DNAH3: variants seen among roughly 807,000 people sequenced by gnomAD.
DNAH3 encodes the protein axonemal beta dynein heavy chain 3.
A neutral mutation model predicts 432.5 loss-of-function variants in DNAH3; 332 were observed. The observed-to-expected ratio is 0.77, with a 90% CI of 0.70 to 0.84. DNAH3 has a LOEUF of 0.84. DNAH3 is among the 40% of genes least tolerant of loss of function. The probability of loss-of-function intolerance (pLI) is 0.00; values close to 1 mark genes in which losing one functional copy is unlikely to be tolerated. For missense variants in DNAH3, 4,861 were observed against 5,114.0 expected (o/e 0.95, Z 1.51); for synonymous variants, 1,956 against 1,900.2 (o/e 1.03, Z -0.76).
chr16:21,009,929 AG>A (rs1370860525), intron 41 of DNAH3, among the ~76,000 whole-genome samples: 5 of 60,518 alleles, frequency 8.3e-5, no homozygotes, highest in Non-Finnish European at 1.6e-4. Context: ...AGGGGAGGGG[AG>A]GGGAGGGGAG....
chr16:21,029,686 C>G (rs768514458), intron 37 of DNAH3, among the ~76,000 whole-genome samples: 1 of 152,212 alleles, frequency 6.6e-6, no homozygotes, highest in Non-Finnish European at 1.5e-5. Flanking sequence ...TATCACTCTA[C>G]TCTACTTATT....
intron 37 of DNAH3, among the ~76,000 whole-genome samples, chr16:21,028,827 C>G (rs1395113626): frequency 2.0e-5 from 3 of 152,148 alleles, no homozygotes; most frequent in African/African-American, 4.8e-5. Flanking sequence ...TAAGAAAGGC[C>G]TGAGGCCCTT....
In DNAH3 at chr16:21,111,981, G is replaced by A. The variant is rs1172789193; in HGVS notation, c.1920+12C>T. The A allele has an allele frequency of 3.7e-6, 6 of 1,607,152 alleles. No homozygotes were observed. The highest frequency in any genetic ancestry group is 1.3e-5 in the African/African-American group (1 of 74,736). ...GTCACCAAGGTATAAAATCTCAAGT[G>A]GCATTTCCTACCGTCACAAAATCAT... On this transcript the variant is annotated intron_variant, in intron 13 of 61. Coordinates refer to ENST00000261383, the Ensembl canonical transcript of DNAH3.
chr16:21,159,317 C>T, intron 1 of DNAH3: 1 of 1,612,336 alleles, frequency 6.2e-7, no homozygotes, highest in Admixed American at 1.7e-5. Context: ...CGCGGACCCC[C>T]TCTCCACCTG....
At chr16:21,068,091 C>T (rs2090636978) in intron 23 of DNAH3, among the ~76,000 whole-genome samples, 1 of 152,170 alleles carries the variant, frequency 6.6e-6, no homozygotes, top group African/African-American at 2.4e-5. Flanking sequence ...AGACAAATTG[C>T]TTTGCAGCAA....
chr16:21,031,093 A>AG lies in DNAH3; in HGVS notation c.5390_5391insC (p.Ala1798CysfsTer5). ...TGTTCATATTTTCAATCCAAATAGC[A>AG]TCCACTGGCCCATCAAATATAATCC... is the stretch of plus-strand genomic sequence containing the variant. On this transcript the variant is annotated frameshift_variant, in exon 37 of 62. Transcript: ENST00000261383. LOFTEE classifies it high-confidence loss of function. The AG allele has an allele frequency of 6.2e-7, 1 of 1,614,182 alleles. No homozygotes were observed. The highest frequency in any genetic ancestry group is 8.5e-7 in the Non-Finnish European group (1 of 1,180,014).
At chr16:20,948,500 G>A (rs780635997) in exon 57 of DNAH3, 7 of 1,613,746 alleles carry the variant, frequency 4.3e-6, no homozygotes, top group Non-Finnish European at 4.2e-6. Context: ...GAGCCATGAG[G>A]AGGGATGTAG....
chr16:21,141,234 G>T, intron 4 of DNAH3, 66 bp downstream of exon 5: 2 of 1,114,950 alleles, frequency 1.8e-6, no homozygotes, highest in Non-Finnish European at 1.3e-6. Context: ...TGTGGCTTTA[G>T]TGAGACCACA....
rs1181125512 is a variant in DNAH3 at position 21,045,351 on chromosome 16, C to A, written c.4462-3148G>T. 3.3e-4 allele frequency among the ~76,000 whole-genome samples: 49 copies of A among 150,760 alleles called. No individual in the cohort carries two copies. The South Asian group carries it at 7.6e-3, about 23-fold the overall frequency. On this transcript the variant is annotated intron_variant, in intron 31 of 61. Transcript: ENST00000261383. ...CTATTGATTATTGCCACAATTTCAG[C>A]TCCTGTTATTGGTCTATTCAGAGAT...
At chr16:21,118,809 G>C (rs1049334241) in intron 11 of DNAH3, among the ~76,000 whole-genome samples, 4 of 152,156 alleles carry the variant, frequency 2.6e-5, no homozygotes, top group Admixed American at 1.3e-4. Context: ...CTCATGGCAC[G>C]TGTGTGTCTC....
chr16:21,074,852 C>T (rs973039186), intron 21 of DNAH3, among the ~76,000 whole-genome samples: 7 of 152,204 alleles, frequency 4.6e-5, no homozygotes, highest in Admixed American at 3.9e-4. Flanking sequence ...CAGACCCTAA[C>T]GACAGCTGAG....
At chr16:21,109,414 T>C (rs758307126) in intron 14 of DNAH3, among the ~76,000 whole-genome samples, 5 of 152,164 alleles carry the variant, frequency 3.3e-5, no homozygotes, top group African/African-American at 4.8e-5. Context: ...AGGGTACTTA[T>C]ATGGTGCCTA....
At chr16:21,096,660 G>GTTTGT (rs1018341301) in intron 18 of DNAH3, among the ~76,000 whole-genome samples, 2 of 151,406 alleles carry the variant, frequency 1.3e-5, no homozygotes, top group South Asian at 2.1e-4. Context: ...TTTTTTATTT[G>GTTTGT]TTTGTTTTGT....
intron 18 of DNAH3, among the ~76,000 whole-genome samples, chr16:21,096,846 A>T (rs1391025321): frequency 6.6e-6 from 1 of 152,166 alleles, no homozygotes; most frequent in Non-Finnish European, 1.5e-5. Context: ...AAGGTCAGCT[A>T]GTAAGTTCTT....
chr16:20,957,601 T>C (rs2152604548), intron 54 of DNAH3, among the ~76,000 whole-genome samples: 1 of 151,666 alleles, frequency 6.6e-6, no homozygotes, highest in South Asian at 2.1e-4. Flanking sequence ...TCACCTAAGG[T>C]TGGGAGTTCA....
rs1459375973 is a variant in DNAH3, at chr16:20,982,749, C to T, written c.7831G>A (p.Val2611Met). Residue 2611 changes from valine to methionine, a missense_variant, in exon 49 of 62, where the codon GTG (valine) becomes ATG (methionine). Coordinates refer to ENST00000261383, the Ensembl canonical transcript of DNAH3. Reference sequence around the variant, plus strand: ...ACCCGAATGTTGTCATCAAGCTCCACATCCTCTAGAAATTTGTTAGCCACC... The same window carrying T: ...ACCCGAATGTTGTCATCAAGCTCCATATCCTCTAGAAATTTGTTAGCCACC... 1.9e-6 allele frequency: 3 copies of T among 1,614,164 alleles called. No individual in the cohort carries two copies. The East Asian group carries it at 6.7e-5, about 36-fold the overall frequency.
At chr16:20,957,773 C>T (rs12930316) in intron 54 of DNAH3, among the ~76,000 whole-genome samples, 10,181 of 127,356 alleles carry the variant, frequency 0.08, 512 homozygotes, top group East Asian at 0.2. Context: ...CGTCATTGCA[C>T]TCCAGCCTGG....
In DNAH3 at chr16:21,068,325, TG is replaced by T. The variant is rs10547729; in HGVS notation, c.3382-907del. Among the ~76,000 whole-genome samples the T allele has an allele frequency of 3.3e-3, 255 of 76,498 alleles. 3 individuals are homozygous for T. Among genetic ancestry groups the T allele is most frequent in the African/African-American group, 6.8e-3 (149 of 21,946 alleles). 50.2% of individuals were successfully genotyped at this position (76,498 alleles called of 152,430 possible). A position where few individuals can be genotyped will look rare whatever the true frequency, so the allele number is the denominator to read the frequency against. ...TATTTGTATATTACTTTTTTTTGGG[TG>T]GGGGGGGGGACAGAGTCTCGCTCTG... On this transcript the variant is annotated intron_variant, in intron 23 of 61. Transcript: ENST00000261383.
intron 18 of DNAH3, among the ~76,000 whole-genome samples, chr16:21,093,128 A>T (rs536636614): frequency 6.6e-6 from 1 of 152,348 alleles, no homozygotes; most frequent in East Asian, 1.9e-4. Context: ...AAACACTGAC[A>T]ACACTAAATG....
Sources: allele counts gnomAD v4.1 joint callset (sites outside exome capture counted in the v4.1 genomes callset), GRCh38; gene constraint gnomAD v4.1.1; transcripts MANE v1.5; gene names NCBI Gene and HGNC (gene_info 2026-07-23, HGNC 2026-07-21).